SLC24A3: variants seen among roughly 807,000 people sequenced by gnomAD.
SLC24A3 encodes the protein sodium/potassium/calcium exchanger 3.
SLC24A3 carries 28 observed loss-of-function variants against 75.8 expected under a neutral mutation model. The observed-to-expected ratio is 0.37, with a 90% CI of 0.27 to 0.51. The LOEUF (loss-of-function observed/expected upper bound fraction) is 0.51, where lower values mean the gene tolerates loss of function less well. SLC24A3 is among the 20% of genes least tolerant of loss of function. The pLI is 0.94. For synonymous variants in SLC24A3, 372 were observed against 334.1 expected (o/e 1.11, Z -1.24); for missense variants, 663 against 847.8 (o/e 0.78, Z 2.71).
At chr20:19,271,914 A>G (rs746373226) in intron 1 of SLC24A3, among the ~76,000 whole-genome samples, 2 of 152,222 alleles carry the variant, frequency 1.3e-5, no homozygotes, top group Non-Finnish European at 2.9e-5. Context: ...AAAATCTCAT[A>G]AATTACCATT....
chr20:19,463,835 T>C (rs1455248587), intron 2 of SLC24A3, among the ~76,000 whole-genome samples: 2 of 152,098 alleles, frequency 1.3e-5, no homozygotes, highest in East Asian at 3.9e-4. Flanking sequence ...TTGGGAAGGG[T>C]TCAGCGCAGG....
chr20:19,542,584 C>A (rs1305763659), intron 3 of SLC24A3, among the ~76,000 whole-genome samples: 1 of 152,128 alleles, frequency 6.6e-6, no homozygotes, highest in East Asian at 1.9e-4. Flanking sequence ...ATGAGAGCTG[C>A]CTCCCAAAAT....
At chr20:19,649,321 T>C (rs2032173484) in intron 6 of SLC24A3, among the ~76,000 whole-genome samples, 2 of 152,248 alleles carry the variant, frequency 1.3e-5, no homozygotes, top group South Asian at 2.1e-4. Flanking sequence ...AGGGTATTCA[T>C]GTTTGTGAAA....
At chr20:19,681,488 A>C (rs181481739) in intron 9 of SLC24A3, among the ~76,000 whole-genome samples, 1 of 152,314 alleles carries the variant, frequency 6.6e-6, no homozygotes, top group Non-Finnish European at 1.5e-5. Context: ...GGCCCAGAGA[A>C]GGTAGACCTT....
At chr20:19,360,357 A>C (rs1273880106) in intron 2 of SLC24A3, among the ~76,000 whole-genome samples, 2 of 152,250 alleles carry the variant, frequency 1.3e-5, no homozygotes, top group Non-Finnish European at 2.9e-5. Context: ...TGAATATCTC[A>C]AAACTTTAAC....
At position 19,613,381 on chromosome 20, in the gene SLC24A3, A is replaced by G. The variant is rs181195279; in HGVS notation, c.612+27837A>G. On this transcript the variant is annotated intron_variant, in intron 6 of 16. Coordinates refer to ENST00000328041, the MANE Select transcript of SLC24A3 (RefSeq NM_020689.4). ...CACCATAATCAAGTGCCTATCCCCA[A>G]TGGCTTATAGTTCAGGGATAAAGAG... Among the ~76,000 whole-genome samples the G allele has an allele frequency of 4.0e-4, 61 of 152,302 alleles. 2 individuals are homozygous for G. Among genetic ancestry groups the G allele is most frequent in the African/African-American group, 1.1e-3 (45 of 41,556 alleles).
intron 4 of SLC24A3, among the ~76,000 whole-genome samples, chr20:19,583,937 C>T (rs1472156134): frequency 3.9e-5 from 6 of 152,212 alleles, no homozygotes; most frequent in Non-Finnish European, 8.8e-5. Flanking sequence ...CTCCTGCAGA[C>T]TATTGTGGGT....
At chr20:19,303,710 G>A (rs529642709) in intron 2 of SLC24A3, among the ~76,000 whole-genome samples, 33 of 152,288 alleles carry the variant, frequency 2.2e-4, no homozygotes, top group African/African-American at 7.2e-4. Flanking sequence ...ATCATTTTTA[G>A]AGGAGACCGT....
chr20:19,547,599 G>A (rs116077290), intron 3 of SLC24A3, among the ~76,000 whole-genome samples: 15 of 152,348 alleles, frequency 9.8e-5, no homozygotes, highest in East Asian at 3.9e-4. Flanking sequence ...AGGTGACTGC[G>A]TTCACTCGGC....
At chr20:19,477,245 G>A (rs1368499685) in intron 2 of SLC24A3, among the ~76,000 whole-genome samples, 1 of 152,160 alleles carries the variant, frequency 6.6e-6, no homozygotes, top group East Asian at 1.9e-4. Flanking sequence ...AGCAGGAGAT[G>A]GGCCTCCAAA....
At chr20:19,579,852 G>C (rs1054482026) in intron 3 of SLC24A3, 148 bp from the exon 4 acceptor site, 2 of 618,880 alleles carry the variant, frequency 3.2e-6, no homozygotes. Flanking sequence ...GGTCACAGGA[G>C]AGTGTTGTGG....
intron 2 of SLC24A3, among the ~76,000 whole-genome samples, chr20:19,285,477 CAAAAAAAA>C (rs35866612): frequency 4.6e-5 from 2 of 43,038 alleles, no homozygotes; most frequent in Non-Finnish European, 8.1e-5. Context: ...GACCCTGTCT[CAAAAAAAA>C]AAAAAAAAAA....
chr20:19,236,151 A>G (rs1467571058), intron 1 of SLC24A3, among the ~76,000 whole-genome samples: 1 of 152,240 alleles, frequency 6.6e-6, no homozygotes, highest in Non-Finnish European at 1.5e-5. Flanking sequence ...TGTTGGTAAC[A>G]TATGGGTCTA....
chr20:19,311,446 C>T (rs1984455238), intron 2 of SLC24A3, among the ~76,000 whole-genome samples: 1 of 152,160 alleles, frequency 6.6e-6, no homozygotes, highest in Admixed American at 6.5e-5. Context: ...AGAAGAGATA[C>T]AGTCCCAGCC....
intron 1 of SLC24A3, among the ~76,000 whole-genome samples, chr20:19,223,993 G>A (rs1158560011): frequency 6.6e-6 from 1 of 152,148 alleles, no homozygotes; most frequent in Admixed American, 6.5e-5. Flanking sequence ...TAGAACTTAG[G>A]TATTGCTTAC....
At chr20:19,626,338 C>G (rs1233271392) in intron 6 of SLC24A3, among the ~76,000 whole-genome samples, 1 of 152,064 alleles carries the variant, frequency 6.6e-6, no homozygotes, top group Admixed American at 6.5e-5. Flanking sequence ...TGAAGCAGAC[C>G]AAGAATATTC....
At chr20:19,377,207 T>C (rs953707867) in intron 2 of SLC24A3, among the ~76,000 whole-genome samples, 2 of 152,178 alleles carry the variant, frequency 1.3e-5, no homozygotes, top group African/African-American at 4.8e-5. Context: ...ATTTGAACGT[T>C]GGAGTGTGTC....
chr20:19,219,346 G>A (rs925495517), intron 1 of SLC24A3, among the ~76,000 whole-genome samples: 6 of 152,062 alleles, frequency 3.9e-5, no homozygotes, highest in Admixed American at 6.5e-5. Flanking sequence ...GTTCCTGCCC[G>A]GACCCCAGTT....
intron 2 of SLC24A3, among the ~76,000 whole-genome samples, chr20:19,392,149 G>C (rs1033448828): frequency 6.6e-6 from 1 of 152,086 alleles, no homozygotes; most frequent in African/African-American, 2.4e-5. Context: ...TAGAGGTCAG[G>C]TGAGGAATTA....
Sources: gnomAD v4.1 joint callset for allele counts (sites outside exome capture counted in the v4.1 genomes callset) on GRCh38, gnomAD v4.1.1 for gene constraint, MANE v1.5 for transcripts, NCBI Gene and HGNC (gene_info 2026-07-23, HGNC 2026-07-21) for gene names.